Variants in NEDD4 observed in about 807,000 individuals in gnomAD.
NEDD4 encodes the protein NEDD4 E3 ubiquitin protein ligase.
NEDD4 carries 99 observed loss-of-function variants against 144.9 expected under a neutral mutation model. The observed-to-expected ratio is 0.68, with a 90% CI of 0.58 to 0.81. The LOEUF is 0.81. NEDD4 is among the 30% of genes least tolerant of loss of function. The pLI, the probability that NEDD4 is intolerant of heterozygous loss-of-function variation, is 0.00. For missense variants in NEDD4, 985 were observed against 1,065.9 expected, an observed-to-expected ratio of 0.92 and a Z score of 1.06; for synonymous variants, 318 against 350.6, an observed-to-expected ratio of 0.91 and a Z score of 1.04.
At chr15:55,907,561 C>T (rs1375574933) in intron 5 of NEDD4, among the ~76,000 whole-genome samples, 5 of 152,170 alleles carry the variant, frequency 3.3e-5, no homozygotes, top group Admixed American at 2.6e-4. Flanking sequence ...TATTCTATTT[C>T]TGATAAATAC....
chr15:55,963,801 T>C (rs369744901), intron 2 of NEDD4, among the ~76,000 whole-genome samples: 2 of 152,236 alleles, frequency 1.3e-5, no homozygotes, highest in East Asian at 1.9e-4. Context: ...TTAAGATATC[T>C]TACAGCACAG....
chr15:55,833,144 G>T, intron 26 of NEDD4, 40 bp from the exon 27 acceptor site: 1 of 1,286,912 alleles, frequency 7.8e-7, no homozygotes, highest in Non-Finnish European at 1.1e-6. Context: ...ACAGCACTGG[G>T]AAAGAGGTAA....
intron 1 of NEDD4, among the ~76,000 whole-genome samples, chr15:55,973,903 TTAG>T (rs2037656908): frequency 1.3e-5 from 2 of 148,148 alleles, no homozygotes; most frequent in Non-Finnish European, 3.0e-5. Flanking sequence ...AACTCCAAAA[TTAG>T]TAGAAGAAAA....
chr15:55,983,087 A>C (rs190679904), intron 1 of NEDD4, among the ~76,000 whole-genome samples: 11 of 152,228 alleles, frequency 7.2e-5, no homozygotes. Context: ...GCGCCATTGC[A>C]CTTCAGCCTG....
chr15:55,924,516 A>G (rs2036626792), intron 5 of NEDD4, 130 bp downstream of exon 5: 4 of 705,228 alleles, frequency 5.7e-6, no homozygotes, highest in Non-Finnish European at 9.8e-6. Context: ...CTCCCTCACC[A>G]TTTTGCCCAG....
intron 13 of NEDD4, among the ~76,000 whole-genome samples, chr15:55,852,099 C>A (rs1286751141): frequency 2.6e-5 from 4 of 151,826 alleles, no homozygotes; most frequent in Non-Finnish European, 5.9e-5. Flanking sequence ...AGTTTCAGAT[C>A]AGCCTGGCCA....
intron 5 of NEDD4, 110 bp downstream of exon 5, chr15:55,924,535 TA>T: frequency 1.1e-6 from 1 of 911,402 alleles, no homozygotes; most frequent in Non-Finnish European, 1.7e-6. Context: ...AGAGTCTCCA[TA>T]ACCACCCCCA....
chr15:55,856,332 G>T, intron 11 of NEDD4, 136 bp from the exon 12 acceptor site: 1 of 727,212 alleles, frequency 1.4e-6, no homozygotes, highest in Non-Finnish European at 2.3e-6. Flanking sequence ...TGAGAGTGCA[G>T]GCTGAGTCAT....
chr15:55,924,569 T>C, intron 5 of NEDD4, 77 bp downstream of exon 5: 1 of 1,287,576 alleles, frequency 7.8e-7, no homozygotes, highest in Non-Finnish European at 1.1e-6. Context: ...AATCCCAGAC[T>C]GCTTACCCAC....
intron 4 of NEDD4, among the ~76,000 whole-genome samples, chr15:55,938,507 T>C (rs1360940863): frequency 2.4e-4 from 37 of 151,898 alleles, no homozygotes; most frequent in Admixed American, 2.2e-3. Context: ...GTAAAACCCA[T>C]AGAAGAAAAC....
chr15:55,953,902 A>C (rs1400324528), intron 2 of NEDD4, among the ~76,000 whole-genome samples: 1 of 152,198 alleles, frequency 6.6e-6, no homozygotes, highest in Admixed American at 6.5e-5. Flanking sequence ...TTGTATTTTA[A>C]GTAGAGATTG....
At chr15:55,968,008 A>C (rs184812563) in intron 1 of NEDD4, among the ~76,000 whole-genome samples, 2 of 152,208 alleles carry the variant, frequency 1.3e-5, no homozygotes, top group African/African-American at 4.8e-5. Flanking sequence ...ATTTTAAAAA[A>C]TTTATAAAAT....
intron 14 of NEDD4, 124 bp from the exon 15 acceptor site, chr15:55,849,010 A>G: frequency 1.4e-6 from 1 of 729,446 alleles, no homozygotes; most frequent in Non-Finnish European, 2.3e-6. Context: ...GTCAATTTAT[A>G]CTTTATTTCC....
Position 55,917,134 on chromosome 15 carries a change from A to C in NEDD4, c.291+7512T>G, listed in dbSNP as rs553326249. The C allele has an allele frequency of 1.6e-5, 18 of 1,118,352 alleles. No homozygotes were observed. The East Asian group carries it at 7.9e-4, about 49-fold the overall frequency. The allele number at this position is 1,118,352 out of a possible 1,614,324, so 69.3% of individuals were successfully genotyped here. On this transcript the variant is annotated intron_variant, in intron 5 of 28. Coordinates refer to ENST00000435532, the MANE Select transcript of NEDD4 (RefSeq NM_006154.4). ...TTTAAGCTGAGCTCAGCTGCAGCAC[A>C]CTGACTCAAACACAGCCAACCTTGT...
At chr15:55,883,815 AAG>A (rs2035289396) in intron 5 of NEDD4, among the ~76,000 whole-genome samples, 1 of 152,014 alleles carries the variant, frequency 6.6e-6, no homozygotes, top group African/African-American at 2.4e-5. Flanking sequence ...GGAGAAGAAC[AAG>A]AGTCTCTGCC....
chr15:55,848,647 T>TGCCGGGCGCGGTGGCTCACGCC, intron 15 of NEDD4, 72 bp from the exon 16 acceptor site: 1 of 1,382,756 alleles, frequency 7.2e-7, no homozygotes, highest in Non-Finnish European at 1.0e-6. Context: ...ATAGCACTGG[T>TGCCGGGCGCGGTGGCTCACGCC]TGTATGGTTA....
intron 5 of NEDD4, among the ~76,000 whole-genome samples, chr15:55,903,550 C>T (rs562240076): frequency 5.3e-5 from 8 of 152,188 alleles, no homozygotes; most frequent in Admixed American, 1.3e-4. Flanking sequence ...TGGGGCCGGG[C>T]AAGGTGGCTC....
chr15:55,957,688 C>G (rs1182498144), intron 2 of NEDD4, among the ~76,000 whole-genome samples: 1 of 152,150 alleles, frequency 6.6e-6, no homozygotes, highest in Non-Finnish European at 1.5e-5. Context: ...TTTATTACGG[C>G]ACTATTCACA....
chr15:55,919,704 C>T (rs541976048), intron 5 of NEDD4, among the ~76,000 whole-genome samples: 5 of 152,082 alleles, frequency 3.3e-5, no homozygotes, highest in African/African-American at 4.8e-5. Context: ...TTTCATATTC[C>T]GGAATGAAAC....
Sources: gnomAD v4.1 joint callset for allele counts (sites outside exome capture counted in the v4.1 genomes callset) on GRCh38, gnomAD v4.1.1 for gene constraint, MANE v1.5 for transcripts, NCBI Gene and HGNC (gene_info 2026-07-23, HGNC 2026-07-21) for gene names.